MTHFD1L: variants seen among roughly 807,000 people sequenced by gnomAD.
The protein encoded by MTHFD1L is monofunctional C1-tetrahydrofolate synthase, mitochondrial.
Under a neutral mutation model 119.5 loss-of-function variants are expected in MTHFD1L, and 81 were observed. The ratio of observed to expected loss-of-function variants is 0.68; its 90% CI spans 0.57 to 0.82. The LOEUF (loss-of-function observed/expected upper bound fraction) is 0.82. MTHFD1L is among the 40% of genes least tolerant of loss of function. MTHFD1L has a pLI of 0.00. For synonymous variants in MTHFD1L, 430 were observed against 475.2 expected (o/e 0.90, Z 1.24); for missense variants, 1,125 against 1,253.4 (o/e 0.90, Z 1.55).
rs61731768 is a variant in MTHFD1L, at chr6:151,099,598, T to C, written c.*32-1928T>C. Reference sequence around the variant, plus strand: ...AACCAAGAAGTTCATCCGGCACCAGTCAGACCATTATGTCAAAATTAAGCG... The same window carrying C: ...AACCAAGAAGTTCATCCGGCACCAGCCAGACCATTATGTCAAAATTAAGCG... On this transcript the variant is annotated intron_variant, in intron 27 of 27. Transcript: ENST00000367321. 107 of 1,609,888 alleles carry C rather than the reference T, an allele frequency of 6.6e-5. No individual in the cohort carries two copies. The African/African-American group carries it at 1.4e-3, about 21-fold the overall frequency.
chr6:151,006,098 C>A (rs1251507933), intron 20 of MTHFD1L, among the ~76,000 whole-genome samples: 1 of 151,968 alleles, frequency 6.6e-6, no homozygotes, highest in Non-Finnish European at 1.5e-5. Context: ...AAGGCGTGGT[C>A]CCGCCCTCCA....
intron 20 of MTHFD1L, among the ~76,000 whole-genome samples, chr6:150,989,974 G>A (rs780978914): frequency 9.9e-5 from 15 of 152,170 alleles, no homozygotes; most frequent in Non-Finnish European, 1.9e-4. Context: ...AATTCATGAG[G>A]ATGGATTTAA....
intron 27 of MTHFD1L, among the ~76,000 whole-genome samples, chr6:151,097,536 G>C (rs967816832): frequency 1.3e-5 from 2 of 152,186 alleles, no homozygotes; most frequent in African/African-American, 4.8e-5. Context: ...CTCTCATGTG[G>C]AAGCTAAAAA....
At chr6:151,044,813 C>T (rs1370933684) in intron 26 of MTHFD1L, among the ~76,000 whole-genome samples, 1 of 152,202 alleles carries the variant, frequency 6.6e-6, no homozygotes, top group African/African-American at 2.4e-5. Context: ...CAGGAAACTG[C>T]TGGAGCGTGT....
intron 12 of MTHFD1L, among the ~76,000 whole-genome samples, chr6:150,938,141 C>T (rs1460093701): frequency 6.6e-6 from 1 of 152,138 alleles, no homozygotes; most frequent in African/African-American, 2.4e-5. Context: ...CCTCAGCCTC[C>T]CAAGTAGCTG....
intron 20 of MTHFD1L, among the ~76,000 whole-genome samples, chr6:151,003,330 G>A (rs182747268): frequency 3.3e-4 from 50 of 152,262 alleles, no homozygotes; most frequent in Admixed American, 2.0e-3. Context: ...TCAGAAGTTC[G>A]AGACCAGCCC....
At position 150,923,493 on chromosome 6, in the gene MTHFD1L, C is replaced by G. The variant is rs1395746287; in HGVS notation, c.1082+1191C>G. 5.2e-5 allele frequency among the ~76,000 whole-genome samples: 7 copies of G among 133,470 alleles called. No homozygotes were observed. In the East Asian group the frequency reaches 1.8e-3, roughly 34 times the overall value. 87.6% of individuals were successfully genotyped at this position (133,470 alleles called of 152,430 possible). A position where few individuals can be genotyped will look rare whatever the true frequency, so the allele number is the denominator to read the frequency against. On this transcript the variant is annotated intron_variant, in intron 10 of 27. Coordinates refer to ENST00000367321, the MANE Select transcript of MTHFD1L (RefSeq NM_015440.5). ...CACACAGTGCCGAGGAGATAAAATCCCTCTAGTAACTGACACTTTATTTAT... is the reference window on the plus strand; with the variant it reads ...CACACAGTGCCGAGGAGATAAAATCGCTCTAGTAACTGACACTTTATTTAT...
chr6:150,891,535 T>C (rs1488042836), intron 7 of MTHFD1L, among the ~76,000 whole-genome samples: 1 of 147,900 alleles, frequency 6.8e-6, no homozygotes, highest in Non-Finnish European at 1.5e-5. Context: ...ATATAATATA[T>C]ATTATATTAT....
chr6:151,092,927 G>A lies in MTHFD1L; in HGVS notation c.*31+340G>A, dbSNP rs756196757. 9.2e-5 allele frequency among the ~76,000 whole-genome samples: 14 copies of A among 152,236 alleles called. No homozygotes were observed. In the East Asian group the frequency reaches 9.6e-4, roughly 10 times the overall value. On this transcript the variant is annotated intron_variant, in intron 27 of 27. Transcript: ENST00000367321. ...GTTCTTTTCCAGGATTAAAACCAGC[G>A]TCTGTTATAATTTTAAAAGAGTAAC...
chr6:151,044,065 C>T (rs1414192398), intron 26 of MTHFD1L, among the ~76,000 whole-genome samples: 16 of 152,152 alleles, frequency 1.1e-4, no homozygotes, highest in Non-Finnish European at 1.5e-5. Flanking sequence ...CCATGTAGGG[C>T]ACCTCTGGGG....
At chr6:150,953,377 C>T (rs764029397) in intron 16 of MTHFD1L, among the ~76,000 whole-genome samples, 1 of 152,186 alleles carries the variant, frequency 6.6e-6, no homozygotes, top group Non-Finnish European at 1.5e-5. Context: ...CGGCTGCCTC[C>T]ACCCCCACAC....
intron 17 of MTHFD1L, chr6:150,959,239 T>C: frequency 1.0e-6 from 1 of 974,064 alleles, no homozygotes; most frequent in African/African-American, 1.8e-5. Context: ...TTCCTTTCCT[T>C]ACTTGTCAGT....
chr6:151,029,859 G>A (rs764250632), intron 24 of MTHFD1L, among the ~76,000 whole-genome samples: 2 of 152,146 alleles, frequency 1.3e-5, no homozygotes, highest in Non-Finnish European at 2.9e-5. Context: ...CTAGTCATTC[G>A]ATTGCTATTA....
At chr6:151,086,597 G>T (rs1793829741) in intron 26 of MTHFD1L, among the ~76,000 whole-genome samples, 1 of 152,038 alleles carries the variant, frequency 6.6e-6, no homozygotes, top group African/African-American at 2.4e-5. Context: ...TGGTGCACAT[G>T]GCTTACTGTA....
chr6:151,003,533 CA>C (rs11422337), intron 20 of MTHFD1L, among the ~76,000 whole-genome samples: 34 of 150,146 alleles, frequency 2.3e-4, no homozygotes, highest in Middle Eastern at 3.4e-3. Context: ...ACTCCATATC[CA>C]AAAAAAAAGG....
At chr6:150,976,669 TAAG>T (rs933614620) in intron 20 of MTHFD1L, among the ~76,000 whole-genome samples, 2 of 152,296 alleles carry the variant, frequency 1.3e-5, no homozygotes, top group Non-Finnish European at 2.9e-5. Context: ...TGGCCTGCAT[TAAG>T]AAGTAAACTG....
intron 8 of MTHFD1L, among the ~76,000 whole-genome samples, chr6:150,911,796 G>A (rs541759323): frequency 0.013 from 2,049 of 152,206 alleles, 83 homozygotes; most frequent in Admixed American, 0.073. Flanking sequence ...TTACATGGCA[G>A]CAGCAAGAGA....
chr6:151,056,050 A>G (rs1386285557), intron 26 of MTHFD1L: 1 of 152,270 alleles, frequency 6.6e-6, no homozygotes, highest in East Asian at 1.9e-4. Flanking sequence ...AAAGGGGAAC[A>G]TGTCTATTGT....
chr6:150,900,457 T>A (rs1013855150), intron 7 of MTHFD1L, among the ~76,000 whole-genome samples: 8 of 152,160 alleles, frequency 5.3e-5, no homozygotes, highest in Admixed American at 2.0e-4. Context: ...CAGTTTCCCC[T>A]GGGGAATCCA....
Sources: gnomAD v4.1 joint callset for allele counts (sites outside exome capture counted in the v4.1 genomes callset) on GRCh38, gnomAD v4.1.1 for gene constraint, MANE v1.5 for transcripts, NCBI Gene and HGNC (gene_info 2026-07-23, HGNC 2026-07-21) for gene names.